Variants in CASP8 observed in about 807,000 individuals in gnomAD.
CASP8 encodes the protein caspase 8, also known as caspase-8.
In CASP8, 24 loss-of-function variants were observed where a neutral mutation model predicts 46.3. The ratio of observed to expected loss-of-function variants is 0.52; its 90% CI spans 0.38 to 0.73. The LOEUF is 0.73. CASP8 is among the 30% of genes least tolerant of loss of function. The pLI, the probability that CASP8 is intolerant of heterozygous loss-of-function variation, is 0.00. For missense variants in CASP8, 460 were observed against 559.0 expected (o/e 0.82, Z 1.79); for synonymous variants, 188 against 200.4 (o/e 0.94, Z 0.52).
chr2:201,256,299 G>C (rs542953685), upstream of CASP8, among the ~76,000 whole-genome samples: 7 of 152,294 alleles, frequency 4.6e-5, no homozygotes, highest in South Asian at 8.3e-4. Context: ...GTCACTCACT[G>C]ACTGAGCGTG....
chr2:201,238,871 A>T (rs1040206906), intron 2 of CASP8, among the ~76,000 whole-genome samples: 4 of 152,216 alleles, frequency 2.6e-5, no homozygotes, highest in African/African-American at 7.2e-5. Context: ...CAGATAAACA[A>T]GTGAACAAAG....
rs17860428 is a variant in CASP8 at position 201,286,677 on chromosome 2, G to A, written c.*83G>A. On this transcript the variant is annotated 3_prime_UTR_variant, in exon 9 of 9. Transcript: ENST00000673742. ...GTCGCCCAGGCTGGAGTGCAGTGGC[G>A]TGATCTCGGCTCACCGCAAGCTCCG... 0.16 allele frequency: 194,657 copies of A among 1,220,458 alleles called. 17,327 individuals carry two copies. Among genetic ancestry groups the A allele is most frequent in the Middle Eastern group, 0.19 (802 of 4,320 alleles). The allele number at this position is 1,220,458 out of a possible 1,614,324, so 75.6% of individuals were successfully genotyped here. A position where few individuals can be genotyped will look rare whatever the true frequency, so the allele number is the denominator to read the frequency against.
At chr2:201,267,601 A>G (rs1326194017) in intron 2 of CASP8, among the ~76,000 whole-genome samples, 1 of 152,198 alleles carries the variant, frequency 6.6e-6, no homozygotes. Flanking sequence ...GTGAGAGAGA[A>G]ACCCCATTCA....
intron 6 of CASP8, among the ~76,000 whole-genome samples, chr2:201,276,301 G>A (rs746642485): frequency 9.2e-5 from 14 of 152,180 alleles, no homozygotes; most frequent in Non-Finnish European, 1.5e-4. Flanking sequence ...GCTGGGTTAA[G>A]CCATCACCTT....
upstream of CASP8, chr2:201,260,366 G>C (rs1192968618): frequency 5.7e-6 from 1 of 175,106 alleles, no homozygotes; most frequent in Non-Finnish European, 1.1e-5. Flanking sequence ...GGTGCCCTGC[G>C]TGCGGTCTCC....
At chr2:201,277,198 A>G in intron 7 of CASP8, 1 of 358,666 alleles carries the variant, frequency 2.8e-6, no homozygotes, top group Non-Finnish European at 5.1e-6. Flanking sequence ...ATAAAATATC[A>G]AATCTTACTA....
intron 2 of CASP8, among the ~76,000 whole-genome samples, chr2:201,254,545 A>T (rs1286990633): frequency 6.6e-6 from 1 of 152,214 alleles, no homozygotes; most frequent in Non-Finnish European, 1.5e-5. Context: ...CATGGGTTAT[A>T]TACAAACTCC....
chr2:201,265,245 G>C (rs1266386464), intron 1 of CASP8, among the ~76,000 whole-genome samples: 1 of 151,990 alleles, frequency 6.6e-6, no homozygotes, highest in Non-Finnish European at 1.5e-5. Context: ...GTGTGGTGGT[G>C]TGTCCCTGTA....
At chr2:201,251,685 T>C (rs1050008934) in intron 2 of CASP8, among the ~76,000 whole-genome samples, 1 of 151,534 alleles carries the variant, frequency 6.6e-6, no homozygotes, top group African/African-American at 2.4e-5. Context: ...GGTGTATTAT[T>C]TGAAGTCAGG....
rs746077051 is a variant in CASP8 at position 201,281,820 on chromosome 2, T to C, written c.803-2996T>C. The C allele has an allele frequency of 9.4e-5, 135 of 1,432,016 alleles. 3 individuals carry two copies. The highest frequency in any genetic ancestry group is 7.3e-4 in the Middle Eastern group (4 of 5,472). The allele number at this position is 1,432,016 out of a possible 1,614,324, so 88.7% of individuals were successfully genotyped here. ...ACCAACAATAACACTCTCTCCTTTCTCATTTGCTTCAGGGTTTGAGAATGT... is the reference window on the plus strand; with the variant it reads ...ACCAACAATAACACTCTCTCCTTTCCCATTTGCTTCAGGGTTTGAGAATGT... On this transcript the variant is annotated intron_variant, in intron 7 of 8. Coordinates refer to ENST00000673742, the MANE Select transcript of CASP8 (RefSeq NM_001372051.1).
At chr2:201,250,502 C>T (rs1483461024) in intron 2 of CASP8, among the ~76,000 whole-genome samples, 1 of 152,168 alleles carries the variant, frequency 6.6e-6, no homozygotes, top group Non-Finnish European at 1.5e-5. Flanking sequence ...CGAGACATCT[C>T]ATGTGGCTAG....
At chr2:201,259,953 ATTTTAGAGTTTTTTCT>A (rs1485494440), upstream of CASP8, among the ~76,000 whole-genome samples, 2 of 140,532 alleles carry the variant, frequency 1.4e-5, no homozygotes, top group East Asian at 2.1e-4. Flanking sequence ...GAGGTTTTTC[ATTTTAGAGTTTTTTCT>A]TTTTAGAGTT....
intron 7 of CASP8, among the ~76,000 whole-genome samples, 165 bp from the exon 8 acceptor site, chr2:201,284,651 T>TGAGAGG (rs1949437016): frequency 1.1e-3 from 1 of 936 alleles, no homozygotes; most frequent in African/African-American, 3.1e-3. Context: ...TGGCTCGGCA[T>TGAGAGG]GAGAGGGAGA....
intron 2 of CASP8, among the ~76,000 whole-genome samples, chr2:201,237,338 G>T (rs757917556): frequency 6.0e-5 from 9 of 148,912 alleles, no homozygotes; most frequent in Non-Finnish European, 1.0e-4. Flanking sequence ...TGATCTGCCC[G>T]CCTCGGCTTC....
intron 2 of CASP8, among the ~76,000 whole-genome samples, chr2:201,244,398 G>A (rs1946422887): frequency 6.6e-6 from 1 of 152,196 alleles, no homozygotes. Flanking sequence ...AGAGAGAGAA[G>A]GAAGGTTAGA....
At chr2:201,243,392 A>T (rs377272264) in intron 2 of CASP8, among the ~76,000 whole-genome samples, 4 of 152,238 alleles carry the variant, frequency 2.6e-5, no homozygotes, top group African/African-American at 9.7e-5. Context: ...CAGCTATAGG[A>T]TATAGAAGAG....
chr2:201,255,564 C>T (rs964696854), upstream of CASP8, among the ~76,000 whole-genome samples: 2 of 152,160 alleles, frequency 1.3e-5, no homozygotes, highest in African/African-American at 2.4e-5. Context: ...TGGGTACATG[C>T]AGGGAGATGT....
In CASP8 at chr2:201,251,818, C is replaced by T. The variant is rs191517502; in HGVS notation, c.-26-14643C>T. On this transcript the variant is annotated intron_variant, in intron 2 of 6. Transcript: ENST00000264274. Reference sequence around the variant, plus strand: ...TTGGGAGGCTGAGGCAGGAGAATCGCTTGAACCCAGAGGCAGAGGCTGTAG... The same window carrying T: ...TTGGGAGGCTGAGGCAGGAGAATCGTTTGAACCCAGAGGCAGAGGCTGTAG... Among the ~76,000 whole-genome samples the T allele has an allele frequency of 2.4e-3, 366 of 151,946 alleles. 3 individuals are homozygous for T. In the South Asian group the frequency reaches 0.029, roughly 12 times the overall value.
At chr2:201,258,866 C>G (rs1044359663), upstream of CASP8, among the ~76,000 whole-genome samples, 5 of 152,140 alleles carry the variant, frequency 3.3e-5, no homozygotes, top group Non-Finnish European at 5.9e-5. Context: ...TGCCCTCCTG[C>G]CCTCTCTCTT....
Sources: gnomAD v4.1 joint callset for allele counts (sites outside exome capture counted in the v4.1 genomes callset) on GRCh38, gnomAD v4.1.1 for gene constraint, MANE v1.5 for transcripts, NCBI Gene and HGNC (gene_info 2026-07-23, HGNC 2026-07-21) for gene names.